ENOX1: variants seen among roughly 807,000 people sequenced by gnomAD.
ENOX1 encodes ecto-NOX disulfide-thiol exchanger 1, also known as candidate growth-related and time keeping constitutive hydroquinone (NADH) oxidase.
A neutral mutation model predicts 82.5 loss-of-function variants in ENOX1; 42 were observed. The observed-to-expected ratio is 0.51, with a 90% confidence interval of 0.40 to 0.66. The LOEUF (loss-of-function observed/expected upper bound fraction) is 0.66, where lower values mean the gene tolerates loss of function less well. Among genes scored for constraint, ENOX1 ranks in the 30% least tolerant of loss-of-function variants. The pLI, the probability that ENOX1 is intolerant of heterozygous loss-of-function variation, is 0.00. For synonymous variants in ENOX1, 271 were observed against 282.2 expected (o/e 0.96, Z 0.40); for missense variants, 608 against 811.6 (o/e 0.75, Z 3.05).
intron 14 of ENOX1, among the ~76,000 whole-genome samples, chr13:43,256,694 C>G (rs2043766930): frequency 6.6e-6 from 1 of 152,072 alleles, no homozygotes; most frequent in Admixed American, 6.5e-5. Context: ...AAAGGGGAAC[C>G]CTAGCACGCT....
chr13:43,464,270 T>C (rs2057621877), intron 3 of ENOX1, among the ~76,000 whole-genome samples: 1 of 151,990 alleles, frequency 6.6e-6, no homozygotes, highest in Non-Finnish European at 1.5e-5. Context: ...AGGAAATAAA[T>C]ACAGAAATAA....
At chr13:43,413,674 T>C (rs1388417623) in intron 3 of ENOX1, among the ~76,000 whole-genome samples, 2 of 148,454 alleles carry the variant, frequency 1.3e-5, no homozygotes, top group African/African-American at 4.9e-5. Flanking sequence ...TTCCTTAGAA[T>C]TGCCCAGCTT....
At chr13:43,768,166 GT>G (rs1951391981) in intron 1 of ENOX1, among the ~76,000 whole-genome samples, 2 of 151,962 alleles carry the variant, frequency 1.3e-5, no homozygotes, top group African/African-American at 4.8e-5. Flanking sequence ...CATTTATGTT[GT>G]GCTTTTCCTC....
intron 2 of ENOX1, among the ~76,000 whole-genome samples, chr13:43,506,135 T>C (rs184983169): frequency 1.1e-3 from 160 of 152,206 alleles, no homozygotes; most frequent in Middle Eastern, 0.01. Context: ...ACCAGTACCA[T>C]GCTGTTTTGG....
At chr13:43,263,453 GA>G (rs2044194112) in intron 14 of ENOX1, among the ~76,000 whole-genome samples, 1 of 152,184 alleles carries the variant, frequency 6.6e-6, no homozygotes. Flanking sequence ...TAAAAAAGCT[GA>G]AAACTTTCCT....
At chr13:43,443,177 A>T (rs982821071) in intron 3 of ENOX1, among the ~76,000 whole-genome samples, 3 of 152,164 alleles carry the variant, frequency 2.0e-5, no homozygotes, top group Non-Finnish European at 4.4e-5. Context: ...TTAGATTTAC[A>T]CATGTTTCCA....
chr13:43,451,736 T>C (rs564312764), intron 3 of ENOX1, among the ~76,000 whole-genome samples: 1 of 152,244 alleles, frequency 6.6e-6, no homozygotes, highest in South Asian at 2.1e-4. Flanking sequence ...CTGTGAAGTT[T>C]GTATAGCCTT....
intron 15 of ENOX1, among the ~76,000 whole-genome samples, chr13:43,228,781 G>A (rs1227426838): frequency 6.6e-6 from 1 of 152,186 alleles, no homozygotes; most frequent in East Asian, 1.9e-4. Context: ...TGGTCCTGTG[G>A]AACTTTTATT....
chr13:43,351,390 T>A lies in ENOX1; in HGVS notation c.823+4529A>T, dbSNP rs180974711. Among the ~76,000 whole-genome samples the A allele has an allele frequency of 1.9e-3, 285 of 146,460 alleles. 11 individuals carry two copies. The South Asian group carries it at 0.059, about 30-fold the overall frequency. On this transcript the variant is annotated intron_variant, in intron 8 of 16. Coordinates refer to ENST00000690772, the MANE Select transcript of ENOX1 (RefSeq NM_001347969.2). ...CCTGCTTTAGGGTCGAGCAAAATAT[T>A]TCTTTTTATTTTATTTATTTATTTT... is the stretch of plus-strand genomic sequence containing the variant.
Position 43,630,858 on chromosome 13 carries a change from T to TACACACACACAC in ENOX1, c.-219+36620_-219+36621insGTGTGTGTGTGT, listed in dbSNP as rs767775854. Among the ~76,000 whole-genome samples, 61 of 82,088 alleles carry TACACACACACAC rather than the reference T, an allele frequency of 7.4e-4. 1 individual carries two copies. The highest frequency in any genetic ancestry group is 5.7e-3 in the East Asian group (15 of 2,622). The allele number at this position is 82,088 out of a possible 152,430, so 53.9% of individuals were successfully genotyped here. On this transcript the variant is annotated intron_variant, in intron 2 of 16. Transcript: ENST00000690772. ...AACCACACACACACATATATATATA[T>TACACACACACAC]ATACACACACACACACATATATATA...
rs1431807129 is a variant in ENOX1 at position 43,236,613 on chromosome 13, TGAA to T, written c.1714+20_1714+22del. ...CCTAATAATTATTTAAGAGAACAGA[TGAA>T]GAAAACAGAATTTCCTTACCTATTA... On this transcript the variant is annotated intron_variant, in intron 15 of 16. Transcript: ENST00000690772. 2.1e-6 allele frequency: 3 copies of T among 1,417,968 alleles called. No homozygotes were observed. Among genetic ancestry groups the T allele is most frequent in the Non-Finnish European group, 2.9e-6 (3 of 1,039,620 alleles). 87.8% of individuals were successfully genotyped at this position (1,417,968 alleles called of 1,614,324 possible). A position where few individuals can be genotyped will look rare whatever the true frequency, so the allele number is the denominator to read the frequency against.
intron 11 of ENOX1, among the ~76,000 whole-genome samples, chr13:43,306,364 T>A (rs1419171674): frequency 6.6e-6 from 1 of 152,220 alleles, no homozygotes; most frequent in African/African-American, 2.4e-5. Context: ...GATTTTAGTT[T>A]TCTTTTTCAC....
chr13:43,638,408 T>A (rs2083493262), intron 2 of ENOX1, among the ~76,000 whole-genome samples: 1 of 152,118 alleles, frequency 6.6e-6, no homozygotes, highest in East Asian at 1.9e-4. Context: ...TCTAGGGTTT[T>A]TTTTTTTCCG....
At chr13:43,775,345 T>C (rs2153837585) in intron 1 of ENOX1, among the ~76,000 whole-genome samples, 1 of 152,312 alleles carries the variant, frequency 6.6e-6, no homozygotes, top group East Asian at 1.9e-4. Context: ...TCTCACTTTG[T>C]TGCCCAGGCT....
chr13:43,651,970 CAAAA>C (rs35793831), intron 2 of ENOX1, among the ~76,000 whole-genome samples: 195 of 84,098 alleles, frequency 2.3e-3, no homozygotes, highest in South Asian at 7.4e-3. Context: ...AACTTCGTCT[CAAAA>C]AAAAAAAAAA....
chr13:43,412,746 G>C, intron 4 of ENOX1, 99 bp downstream of exon 4: 3 of 1,393,810 alleles, frequency 2.2e-6, no homozygotes, highest in Non-Finnish European at 3.0e-6. Context: ...ATGGGCCCAG[G>C]CTCCTGGTTC....
intron 8 of ENOX1, among the ~76,000 whole-genome samples, chr13:43,345,656 G>A (rs1444886387): frequency 6.6e-6 from 1 of 152,208 alleles, no homozygotes; most frequent in Admixed American, 6.5e-5. Context: ...TTGTATGTCA[G>A]TTGTTAGAAC....
intron 14 of ENOX1, 117 bp from the exon 15 acceptor site, chr13:43,236,855 A>G: frequency 2.1e-6 from 1 of 485,434 alleles, no homozygotes; most frequent in Non-Finnish European, 3.5e-6. Flanking sequence ...ATTTATAACT[A>G]AAGATCAAAT....
At chr13:43,490,087 T>C (rs890477258) in intron 2 of ENOX1, among the ~76,000 whole-genome samples, 2 of 152,076 alleles carry the variant, frequency 1.3e-5, no homozygotes, top group African/African-American at 4.8e-5. Flanking sequence ...TACAAGTGCC[T>C]GCCCCCACGC....
Sources: gnomAD v4.1 joint callset for allele counts (sites outside exome capture counted in the v4.1 genomes callset) on GRCh38, gnomAD v4.1.1 for gene constraint, MANE v1.5 for transcripts, NCBI Gene and HGNC (gene_info 2026-07-23, HGNC 2026-07-21) for gene names.